The following PRMT8 variants were observed in gnomAD, a reference collection of about 807,000 sequenced individuals.
PRMT8 encodes protein arginine N-methyltransferase 8.
In PRMT8, 7 loss-of-function variants were observed where a neutral mutation model predicts 47.1. The observed-to-expected ratio is 0.15, with a 90% CI of 0.08 to 0.28. The LOEUF (loss-of-function observed/expected upper bound fraction) is 0.28, where lower values mean the gene tolerates loss of function less well. Among genes scored for constraint, PRMT8 ranks in the 10% least tolerant of loss-of-function variants. The pLI, the probability that PRMT8 is intolerant of heterozygous loss-of-function variation, is 1.00. For missense variants in PRMT8, 237 were observed against 505.4 expected, an observed-to-expected ratio of 0.47 and a Z score of 5.09; for synonymous variants, 188 against 186.5, an observed-to-expected ratio of 1.01 and a Z score of -0.07.
chr12:3,554,490 C>T (rs910663505), intron 4 of PRMT8, among the ~76,000 whole-genome samples: 6 of 152,098 alleles, frequency 3.9e-5, no homozygotes, highest in Non-Finnish European at 5.9e-5. Flanking sequence ...GCAGTGAGGC[C>T]GAGAGAGGAA....
chr12:3,421,421 G>GGTGGGGT (rs1864539627), intron 1 of PRMT8, among the ~76,000 whole-genome samples: 1 of 152,220 alleles, frequency 6.6e-6, no homozygotes, highest in Non-Finnish European at 1.5e-5. Flanking sequence ...TCCTGCCGGG[G>GGTGGGGT]GGTGGGGTGG....
At chr12:3,385,568 T>C (rs1038012587) in intron 1 of PRMT8, among the ~76,000 whole-genome samples, 26 of 62,576 alleles carry the variant, frequency 4.2e-4, no homozygotes, top group Non-Finnish European at 8.2e-4. Flanking sequence ...GAAAACTCCT[T>C]ATTAGATCAA....
chr12:3,399,302 G>C (rs983144874), intron 1 of PRMT8, among the ~76,000 whole-genome samples: 2 of 152,292 alleles, frequency 1.3e-5, no homozygotes, highest in South Asian at 4.2e-4. Context: ...CAAAGTTGGC[G>C]ACTGGGGAGC....
chr12:3,490,714 A>AGAGAGAGAGAGAGAGAGAGG, upstream of PRMT8, among the ~76,000 whole-genome samples: 2 of 148,010 alleles, frequency 1.4e-5, 1 homozygote, highest in South Asian at 4.3e-4. Flanking sequence ...AGAGAGAGAG[A>AGAGAGAGAGAGAGAGAGAGG]GAGAGAAAAG....
At chr12:3,537,536 A>G (rs1487022866) in intron 1 of PRMT8, among the ~76,000 whole-genome samples, 1 of 152,152 alleles carries the variant, frequency 6.6e-6, no homozygotes, top group Admixed American at 6.5e-5. Context: ...CTTGCTAGAC[A>G]TCTTCTCTTA....
intron 1 of PRMT8, among the ~76,000 whole-genome samples, chr12:3,516,175 A>G (rs148810230): frequency 1.3e-5 from 2 of 152,184 alleles, no homozygotes; most frequent in African/African-American, 4.8e-5. Context: ...ACTTTTCTTT[A>G]CCATAGGCCC....
At chr12:3,404,037 C>T (rs546916260) in intron 1 of PRMT8, among the ~76,000 whole-genome samples, 5 of 152,160 alleles carry the variant, frequency 3.3e-5, no homozygotes, top group South Asian at 2.1e-4. Flanking sequence ...AACATCCATA[C>T]GTCCTTTAGC....
In PRMT8 at chr12:3,514,573, G is replaced by A. The variant is rs973510859; in HGVS notation, c.75+22873G>A. Among the ~76,000 whole-genome samples the A allele has an allele frequency of 1.3e-5, 2 of 152,194 alleles. No homozygotes were observed. Among genetic ancestry groups the A allele is most frequent in the Admixed American group, 6.5e-5 (1 of 15,284 alleles). Reference sequence around the variant, plus strand: ...TGGAGCCTTTTTTCTGAGTGTGCCAGCATCCCACATGTGCCCTTCCAGTTC... The same window carrying A: ...TGGAGCCTTTTTTCTGAGTGTGCCAACATCCCACATGTGCCCTTCCAGTTC... On this transcript the variant is annotated intron_variant, in intron 1 of 9. Transcript: ENST00000382622. The surrounding 1 kb of genome is among the most constrained non-coding windows in gnomAD (Gnocchi z 5.9).
chr12:3,479,412 A>G (rs1292668914), intron 1 of PRMT8, among the ~76,000 whole-genome samples: 1 of 152,238 alleles, frequency 6.6e-6, no homozygotes, highest in Non-Finnish European at 1.5e-5. Flanking sequence ...TGTTCAAAAA[A>G]GCCCCATGGA....
chr12:3,478,307 T>TCTATCTACCTACCTAC (rs369719549), intron 1 of PRMT8, among the ~76,000 whole-genome samples: 1 of 135,618 alleles, frequency 7.4e-6, no homozygotes, highest in Non-Finnish European at 1.6e-5. Flanking sequence ...TATCTATCTA[T>TCTATCTACCTACCTAC]CTACCTACCT....
chr12:3,491,793 T>G, intron 1 of PRMT8, 93 bp downstream of exon 1: 5 of 1,360,294 alleles, frequency 3.7e-6, no homozygotes, highest in East Asian at 6.6e-5. Flanking sequence ...GTGCCAAACT[T>G]TCCCCAGTTT....
chr12:3,491,813 CG>C, intron 1 of PRMT8, 113 bp downstream of exon 1: 1 of 1,281,220 alleles, frequency 7.8e-7, no homozygotes, highest in Non-Finnish European at 1.0e-6. Context: ...TCATCCCGCT[CG>C]CTTCTGCCGG....
In PRMT8 at chr12:3,436,105, A is replaced by G. The variant is rs1201757329; in HGVS notation, c.48+54663A>G. Reference sequence around the variant, plus strand: ...AAGGCTTGGCTCTGGTTGCCCTGTGACTTTGAGTGAAGGTTATTGGGTGCC... The same window carrying G: ...AAGGCTTGGCTCTGGTTGCCCTGTGGCTTTGAGTGAAGGTTATTGGGTGCC... On this transcript the variant is annotated intron_variant, in intron 1 of 9. Transcript: ENST00000452611. The surrounding 1 kb of genome is among the most constrained non-coding windows in gnomAD (Gnocchi z 4.2). Among the ~76,000 whole-genome samples the G allele has an allele frequency of 6.6e-6, 1 of 152,024 alleles. No homozygotes were observed. The highest frequency in any genetic ancestry group is 2.4e-5 in the African/African-American group (1 of 41,394).
chr12:3,483,354 A>T (rs1865292270), intron 1 of PRMT8, among the ~76,000 whole-genome samples: 2 of 152,260 alleles, frequency 1.3e-5, no homozygotes, highest in Non-Finnish European at 2.9e-5. Context: ...TGTAAATGAC[A>T]GCTGTGTTGG....
intron 1 of PRMT8, among the ~76,000 whole-genome samples, chr12:3,496,515 C>G (rs2137117534): frequency 6.6e-6 from 1 of 151,962 alleles, no homozygotes; most frequent in Non-Finnish European, 1.5e-5. Flanking sequence ...TCATCTATGT[C>G]TGTTTCTGCA....
At position 3,524,091 on chromosome 12, in the gene PRMT8, T is replaced by C. The variant is rs184111112; in HGVS notation, c.76-16515T>C. Among the ~76,000 whole-genome samples, 192 of 152,316 alleles carry C rather than the reference T, an allele frequency of 1.3e-3. 1 individual carries two copies. Among genetic ancestry groups the C allele is most frequent in the African/African-American group, 4.6e-3 (190 of 41,560 alleles). On this transcript the variant is annotated intron_variant, in intron 1 of 9. Coordinates refer to ENST00000382622, the MANE Select transcript of PRMT8 (RefSeq NM_019854.5). ...TTACTTAGTTCAACTGGCCATTCCA[T>C]TCACCTTGACATTCCATAAAAATCC...
intron 1 of PRMT8, among the ~76,000 whole-genome samples, chr12:3,497,146 A>T (rs535751342): frequency 6.6e-6 from 1 of 152,084 alleles, no homozygotes; most frequent in Non-Finnish European, 1.5e-5. Context: ...CAGCAGGGGG[A>T]AAATGGGCAG....
chr12:3,398,311 G>C (rs988371031), intron 1 of PRMT8, among the ~76,000 whole-genome samples: 2 of 152,142 alleles, frequency 1.3e-5, no homozygotes, highest in African/African-American at 4.8e-5. Context: ...TTCAAAGGTG[G>C]GATTCAGCCC....
chr12:3,561,227 G>A (rs543167197), intron 4 of PRMT8, among the ~76,000 whole-genome samples: 2 of 152,268 alleles, frequency 1.3e-5, no homozygotes, highest in African/African-American at 4.8e-5. Context: ...ATTAAACACA[G>A]CCAGTCAATG....
Sources: allele counts gnomAD v4.1 joint callset (sites outside exome capture counted in the v4.1 genomes callset), GRCh38; gene constraint gnomAD v4.1.1; non-coding constraint Gnocchi (gnomAD v3.1); transcripts MANE v1.5; gene names NCBI Gene and HGNC (gene_info 2026-07-23, HGNC 2026-07-21).